The following BLVRB variants were observed in gnomAD, a reference collection of about 807,000 sequenced individuals.
The protein encoded by BLVRB is flavin reductase (NADPH).
Under a neutral mutation model 21.1 loss-of-function variants are expected in BLVRB, and 25 were observed. That is an observed-to-expected ratio of 1.19 (90% CI 0.86 to 1.66). The LOEUF (loss-of-function observed/expected upper bound fraction) is 1.66. BLVRB is among the 40% of genes most tolerant of loss of function. The pLI, the probability that BLVRB is intolerant of heterozygous loss-of-function variation, is 0.00. For missense variants in BLVRB, 274 were observed against 282.7 expected, an observed-to-expected ratio of 0.97 and a Z score of 0.22; for synonymous variants, 128 against 122.2, an observed-to-expected ratio of 1.05 and a Z score of -0.31.
At chr19:40,452,893 AAC>A (rs1491209905) in intron 3 of BLVRB, among the ~76,000 whole-genome samples, 14 of 93,572 alleles carry the variant, frequency 1.5e-4, no homozygotes, top group African/African-American at 5.3e-4. Flanking sequence ...AACAAAACAA[AAC>A]AAAAAAAACA....
intron 1 of BLVRB, among the ~76,000 whole-genome samples, chr19:40,464,345 T>A (rs958888288): frequency 3.9e-5 from 6 of 152,164 alleles, no homozygotes; most frequent in Admixed American, 3.9e-4. Context: ...CCTCCCGCCT[T>A]GGCCTCCCAA....
At chr19:40,453,277 A>G (rs542426392) in intron 3 of BLVRB, among the ~76,000 whole-genome samples, 10 of 152,074 alleles carry the variant, frequency 6.6e-5, no homozygotes, top group African/African-American at 2.4e-4. Flanking sequence ...TCACCTTTCC[A>G]TGCAGCTTTT....
chr19:40,454,756 A>G (rs2079755622), intron 3 of BLVRB, among the ~76,000 whole-genome samples: 1 of 151,994 alleles, frequency 6.6e-6, no homozygotes. Flanking sequence ...TGTGTTAGCC[A>G]GGATGGTCTC....
At chr19:40,457,991 C>A in intron 3 of BLVRB, 164 bp downstream of exon 3, 1 of 696,038 alleles carries the variant, frequency 1.4e-6, no homozygotes, top group South Asian at 1.8e-5. Flanking sequence ...CTGTACAGGT[C>A]ACCACTGTGT....
At chr19:40,461,835 T>C (rs2079789039) in intron 1 of BLVRB, among the ~76,000 whole-genome samples, 1 of 152,150 alleles carries the variant, frequency 6.6e-6, no homozygotes. Context: ...AAATGCATGG[T>C]GCTGCTTCCT....
intron 1 of BLVRB, among the ~76,000 whole-genome samples, chr19:40,461,552 T>G (rs1436367037): frequency 1.3e-5 from 2 of 149,908 alleles, no homozygotes; most frequent in Admixed American, 6.8e-5. Context: ...CAGTCTGGAG[T>G]GCAGTGGTGC....
intron 3 of BLVRB, among the ~76,000 whole-genome samples, chr19:40,451,997 G>A (rs45508295): frequency 2.6e-5 from 4 of 151,918 alleles, no homozygotes; most frequent in African/African-American, 7.3e-5. Flanking sequence ...TTCTCACTCC[G>A]CCTGGTCCTG....
chr19:40,460,322 G>A (rs2079781837), intron 1 of BLVRB, among the ~76,000 whole-genome samples: 1 of 145,390 alleles, frequency 6.9e-6, no homozygotes, highest in Non-Finnish European at 1.5e-5. Context: ...GTGCAGGGGC[G>A]CCAATCATAG....
At chr19:40,457,283 G>C (rs1163438837) in intron 3 of BLVRB, among the ~76,000 whole-genome samples, 1 of 152,118 alleles carries the variant, frequency 6.6e-6, no homozygotes, top group African/African-American at 2.4e-5. Context: ...CCTCCAACTA[G>C]GTCTGGCCTC....
chr19:40,458,277 G>GGGA, intron 2 of BLVRB, 33 bp from the exon 3 acceptor site: 1 of 1,576,972 alleles, frequency 6.3e-7, no homozygotes, highest in Non-Finnish European at 8.6e-7. Flanking sequence ...TGTCACTGGT[G>GGGA]GGCGGCGGCG....
intron 3 of BLVRB, among the ~76,000 whole-genome samples, chr19:40,452,865 A>AAAAACAAAGCAGAAC (rs1428936748): frequency 1.3e-5 from 2 of 148,758 alleles, no homozygotes; most frequent in Non-Finnish European, 3.0e-5. Context: ...ACTCCATCTC[A>AAAAACAAAGCAGAAC]AAAACAAAGC....
At chr19:40,457,904 G>A (rs570144251) in intron 3 of BLVRB, 5 of 486,338 alleles carry the variant, frequency 1.0e-5, no homozygotes, top group South Asian at 7.4e-5. Context: ...TCCCAGCTCC[G>A]ATGATCTGGA....
intron 1 of BLVRB, among the ~76,000 whole-genome samples, chr19:40,460,779 C>T (rs974772913): frequency 1.3e-4 from 20 of 152,112 alleles, no homozygotes; most frequent in African/African-American, 4.3e-4. Flanking sequence ...CCAAGACCAG[C>T]CTGACCAACA....
chr19:40,460,997 AAACAAC>A (rs140334586), intron 1 of BLVRB, among the ~76,000 whole-genome samples: 2 of 151,752 alleles, frequency 1.3e-5, no homozygotes, highest in African/African-American at 4.8e-5. Flanking sequence ...AAAACAAAAC[AAACAAC>A]AACAACAACA....
At position 40,458,478 on chromosome 19, in the gene BLVRB, G is replaced by T; in HGVS notation, c.147C>A (p.His49Gln). ...CCTGCAGAACATCTCCCACTACCAC[G>T]TGGGCCGGCCGGGGCCCCTCTGATG... ...RLPSEGPRPA[H>Q]VVVGDVLQAA... Residue 49 changes from histidine (H) to glutamine (Q), a missense_variant, in exon 2 of 5, where the codon CAC (histidine) becomes CAA (glutamine). Physicochemically the swap from His to Gln is conservative, Grantham distance 24. Transcript: ENST00000263368. The T allele has an allele frequency of 1.9e-6, 3 of 1,609,116 alleles. No individual in the cohort carries two copies. The highest frequency in any genetic ancestry group is 2.5e-6 in the Non-Finnish European group (3 of 1,178,254).
intron 4 of BLVRB, among the ~76,000 whole-genome samples, chr19:40,449,448 G>A (rs2079729414): frequency 6.6e-6 from 1 of 151,944 alleles, no homozygotes; most frequent in Admixed American, 6.6e-5. Flanking sequence ...GTCTCACCAC[G>A]TTGGCCAGGC....
intron 3 of BLVRB, among the ~76,000 whole-genome samples, chr19:40,455,571 A>C (rs2079758852): frequency 6.6e-6 from 1 of 152,112 alleles, no homozygotes; most frequent in Non-Finnish European, 1.5e-5. Flanking sequence ...GGTGGCAGGC[A>C]CCTGTAATCC....
At chr19:40,465,112 G>A (rs1466194484) in intron 1 of BLVRB, among the ~76,000 whole-genome samples, 1 of 152,152 alleles carries the variant, frequency 6.6e-6, no homozygotes, top group Admixed American at 6.6e-5. Flanking sequence ...GTGGTTAAGA[G>A]CATGAGCTGA....
intron 3 of BLVRB, among the ~76,000 whole-genome samples, chr19:40,453,093 A>G (rs1156963338): frequency 1.3e-5 from 2 of 152,008 alleles, no homozygotes; most frequent in Admixed American, 6.6e-5. Context: ...TTTTTTTTGT[A>G]GCGATGGAGG....
Sources: allele counts gnomAD v4.1 joint callset (sites outside exome capture counted in the v4.1 genomes callset), GRCh38; gene constraint gnomAD v4.1.1; transcripts MANE v1.5; gene names NCBI Gene and HGNC (gene_info 2026-07-23, HGNC 2026-07-21).